The following CTSZ variants were observed in gnomAD, a reference collection of about 807,000 sequenced individuals.
The protein encoded by CTSZ is cathepsin Z.
In CTSZ, 39 loss-of-function variants were observed where a neutral mutation model predicts 32.4. The observed-to-expected ratio is 1.20, with a 90% CI of 0.93 to 1.57. The LOEUF is 1.57. Among genes scored for constraint, CTSZ ranks in the 40% most tolerant of loss-of-function variants. The pLI is 0.00. For synonymous variants in CTSZ, 168 were observed against 170.1 expected (o/e 0.99, Z 0.10); for missense variants, 397 against 419.6 (o/e 0.95, Z 0.47).
chr20:59,005,389 A>C (rs1329382974), intron 2 of CTSZ, among the ~76,000 whole-genome samples: 1 of 152,134 alleles, frequency 6.6e-6, no homozygotes, highest in Non-Finnish European at 1.5e-5. Context: ...AAGCCTCCCC[A>C]TCTCTCTGCA....
At position 58,997,532 on chromosome 20, in the gene CTSZ, G is replaced by A. The variant is rs140207930; in HGVS notation, c.638+71C>T. On this transcript the variant is annotated intron_variant, in intron 4 of 5. Coordinates refer to ENST00000217131, the MANE Select transcript of CTSZ (RefSeq NM_001336.4). ...TCACCGCGGATCTCTCCTCACCCGC[G>A]GGACCTTTCCTCACCCGCGGGACCT... 9.1e-3 allele frequency: 12,850 copies of A among 1,419,288 alleles called. 85 individuals carry two copies. Among genetic ancestry groups the A allele is most frequent in the Non-Finnish European group, 0.011 (11,350 of 1,070,960 alleles). The allele number at this position is 1,419,288 out of a possible 1,614,324, so 87.9% of individuals were successfully genotyped here.
chr20:58,997,454 G>A (rs1385813014), intron 4 of CTSZ, 149 bp downstream of exon 4: 5 of 652,642 alleles, frequency 7.7e-6, no homozygotes, highest in African/African-American at 7.5e-5. Context: ...AAGGAAAGTG[G>A]CGAAGGACGG....
At chr20:58,998,450 G>T (rs2091871417) in intron 3 of CTSZ, among the ~76,000 whole-genome samples, 1 of 151,942 alleles carries the variant, frequency 6.6e-6, no homozygotes, top group African/African-American at 2.4e-5. Flanking sequence ...GGAGGCTGAG[G>T]CAGGAGAATC....
chr20:58,996,495 C>T (rs1217773574), intron 5 of CTSZ, 144 bp downstream of exon 5: 6 of 836,254 alleles, frequency 7.2e-6, no homozygotes, highest in East Asian at 2.4e-5. Context: ...AAAAGCCACT[C>T]GCGCGGTGGC....
chr20:59,001,605 G>A lies in CTSZ; in HGVS notation c.347C>T (p.Thr116Ile). The A allele has an allele frequency of 6.2e-7, 1 of 1,614,198 alleles. No individual in the cohort carries two copies. The highest frequency in any genetic ancestry group is 8.5e-7 in the Non-Finnish European group (1 of 1,180,016). The change falls in exon 3 of 6, where the codon ACC becomes ATC. Residue 116 changes from threonine (T) to isoleucine (I), a missense_variant. Thr to Ile is a moderately conservative substitution (Grantham distance 89, BLOSUM62 -1). Coordinates refer to ENST00000217131, the MANE Select transcript of CTSZ (RefSeq NM_001336.4). ...GATGACGTTCTGCACGGACAGGAGG[G>A]TGGAGGGCCACGCTCCCTTCCTCTT... is the stretch of plus-strand genomic sequence containing the variant. ...NIKRKGAWPS[T>I]LLSVQNVIDC...
At chr20:58,997,823 A>G in intron 3 of CTSZ, 70 bp from the exon 4 acceptor site, 2 of 1,421,624 alleles carry the variant, frequency 1.4e-6, no homozygotes, top group Non-Finnish European at 1.9e-6. Context: ...AAGCCCGCCA[A>G]GCCCACTCTC....
intron 3 of CTSZ, 23 bp downstream of exon 3, chr20:59,001,442 T>G (rs769160372): frequency 6.3e-7 from 1 of 1,588,026 alleles, no homozygotes; most frequent in Non-Finnish European, 8.6e-7. Flanking sequence ...GAGGGTGGAG[T>G]GGGGGCACGG....
Position 58,995,689 on chromosome 20 carries a change from G to A in CTSZ, c.872C>T (p.Ala291Val), listed in dbSNP as rs753994699. The A allele has an allele frequency of 6.2e-7, 1 of 1,614,110 alleles. No individual in the cohort carries two copies. Among genetic ancestry groups the A allele is most frequent in the Non-Finnish European group, 8.5e-7 (1 of 1,180,006 alleles). ...KDGKGARYNL[A>V]IEEHCTFGDP... Reference sequence around the variant, plus strand: ...CCCAAATGTACAGTGCTCCTCGATGGCAAGGTTGTATCTGGCGCCCTTCCC... The same window carrying A: ...CCCAAATGTACAGTGCTCCTCGATGACAAGGTTGTATCTGGCGCCCTTCCC... The change falls in exon 6 of 6, where the codon GCC becomes GTC. Residue 291 changes from alanine (A) to valine (V), a missense_variant. Transcript: ENST00000217131.
intron 3 of CTSZ, among the ~76,000 whole-genome samples, chr20:58,998,725 AAAAG>A (rs764200698): frequency 3.9e-5 from 6 of 152,176 alleles, no homozygotes; most frequent in Non-Finnish European, 7.3e-5. Context: ...TAATTTAAAA[AAAAG>A]AAAAAGTACA....
At chr20:58,998,458 A>C (rs967081902) in intron 3 of CTSZ, among the ~76,000 whole-genome samples, 25 of 151,934 alleles carry the variant, frequency 1.6e-4, no homozygotes, top group African/African-American at 5.1e-4. Flanking sequence ...AGGCAGGAGA[A>C]TCGCTTGAAC....
intron 4 of CTSZ, 24 bp from the exon 5 acceptor site, chr20:58,996,825 T>A: frequency 6.2e-7 from 1 of 1,609,606 alleles, no homozygotes; most frequent in Non-Finnish European, 8.5e-7. Flanking sequence ...GTTAAAGAAT[T>A]ACCACTTTTA....
intron 4 of CTSZ, 94 bp from the exon 5 acceptor site, chr20:58,996,895 G>A (rs925407322): frequency 5.7e-6 from 8 of 1,408,392 alleles, no homozygotes; most frequent in South Asian, 2.6e-5. Context: ...CGTGGCTCAC[G>A]CCTGTAATTC....
chr20:59,006,507 C>T lies in CTSZ; in HGVS notation c.144-22G>A, dbSNP rs143686598. 8.6e-4 allele frequency: 1,377 copies of T among 1,599,662 alleles called. 12 individuals are homozygous for T. The African/African-American group carries it at 0.014, about 17-fold the overall frequency. ...TGTGCTGAGAAGAGATCATCCCCAC[C>T]CAGATCGGTGCTGGGGCTCCCGGGG... On this transcript the variant is annotated intron_variant, in intron 1 of 5. Coordinates refer to ENST00000217131, the MANE Select transcript of CTSZ (RefSeq NM_001336.4).
chr20:58,998,410 G>A (rs538572453), intron 3 of CTSZ, among the ~76,000 whole-genome samples: 3 of 152,112 alleles, frequency 2.0e-5, no homozygotes, highest in African/African-American at 7.2e-5. Flanking sequence ...TGGGTGTGGT[G>A]GTGGATGCCT....
Position 58,995,224 on chromosome 20 carries a change from A to C in CTSZ, c.*425T>G, listed in dbSNP as rs1213176449. 5.8e-6 allele frequency: 1 copy of C among 173,022 alleles called. No homozygotes were observed. Among genetic ancestry groups the C allele is most frequent in the Admixed American group, 6.0e-5 (1 of 16,560 alleles). The allele number at this position is 173,022 out of a possible 1,614,324, so 10.7% of individuals were successfully genotyped here. The stretch of plus-strand genomic sequence containing the variant: ...AGATACTTTATTCATCACTTGGGCG[A>C]TTTGAAACTGCCAACTCCCTCCCTC... On this transcript the variant is annotated 3_prime_UTR_variant, in exon 6 of 6. Transcript: ENST00000217131.
intron 2 of CTSZ, among the ~76,000 whole-genome samples, chr20:59,003,341 A>G (rs117487197): frequency 0.015 from 2,298 of 152,328 alleles, 26 homozygotes; most frequent in Non-Finnish European, 0.023. Context: ...TCACTGAGGT[A>G]TGCACAAGCT....
rs766672443 is a variant in CTSZ, at chr20:59,006,344, G to A, written c.285C>T (p.His95=). 6 of 1,612,536 alleles carry A rather than the reference G, an allele frequency of 3.7e-6. No homozygotes were observed. The highest frequency in any genetic ancestry group is 5.1e-6 in the Non-Finnish European group (6 of 1,179,510). Residue 95 remains histidine (H), a synonymous_variant, in exon 2 of 6, where the codon CAC becomes CAT. Transcript: ENST00000217131. ...CACCCGCCATAGCGCTGGTGCTGGC[G>A]TGGGCCCAGCAGGAGCCGCAGTATT... is the stretch of plus-strand genomic sequence containing the variant. The part of the protein sequence containing the change: ...IPQYCGSCWA[H]ASTSAMADRI...
At chr20:58,999,406 T>G (rs559957933) in intron 3 of CTSZ, among the ~76,000 whole-genome samples, 1 of 152,240 alleles carries the variant, frequency 6.6e-6, no homozygotes, top group East Asian at 1.9e-4. Flanking sequence ...GGGCCTGGCC[T>G]CAGCTGGGCG....
chr20:59,006,850 A>AC (rs2091910480), intron 1 of CTSZ, 136 bp downstream of exon 1: 1 of 740,266 alleles, frequency 1.4e-6, no homozygotes, highest in South Asian at 3.0e-5. Flanking sequence ...AGAAGGAGCG[A>AC]CCCCCAAAAC....
Sources: allele counts gnomAD v4.1 joint callset (sites outside exome capture counted in the v4.1 genomes callset), GRCh38; gene constraint gnomAD v4.1.1; transcripts MANE v1.5; gene names NCBI Gene and HGNC (gene_info 2026-07-23, HGNC 2026-07-21).